The following RAP1GDS1 variants were observed in gnomAD, a reference collection of about 807,000 sequenced individuals.
RAP1GDS1 encodes the protein Rap1 GTPase-GDP dissociation stimulator 1.
A neutral mutation model predicts 71.1 loss-of-function variants in RAP1GDS1; 35 were observed. The observed-to-expected ratio is 0.49, with a 90% CI of 0.38 to 0.65. RAP1GDS1 has a LOEUF of 0.65. Ranked by LOEUF, RAP1GDS1 falls within the 30% of genes least tolerant of loss-of-function variation. The pLI is 0.00. For missense variants in RAP1GDS1, 663 were observed against 706.1 expected, an observed-to-expected ratio of 0.94 and a Z score of 0.69; for synonymous variants, 229 against 243.1, an observed-to-expected ratio of 0.94 and a Z score of 0.54.
chr4:98,442,014 A>T lies in RAP1GDS1; in HGVS notation c.1721A>T (p.Asp574Val). 6.2e-7 allele frequency: 1 copy of T among 1,613,986 alleles called. No individual in the cohort carries two copies. Among genetic ancestry groups the T allele is most frequent in the South Asian group, 1.1e-5 (1 of 91,072 alleles). Residue 574 changes from aspartate (D) to valine (V), a missense_variant, in exon 15 of 15, where the codon GAT becomes GTT. Coordinates refer to ENST00000408927, the MANE Select transcript of RAP1GDS1 (RefSeq NM_001100427.2). ...GSECLHKEVQ[D>V]LAFLDVVSKL... is the part of the protein sequence containing the mutation. The stretch of plus-strand genomic sequence containing the variant: ...GAATGTCTACACAAGGAAGTACAGG[A>T]TTTGGCTTTTCTAGATGTCGTATCC...
At chr4:98,342,410 C>A (rs907470168) in intron 2 of RAP1GDS1, among the ~76,000 whole-genome samples, 2 of 151,990 alleles carry the variant, frequency 1.3e-5, no homozygotes, top group African/African-American at 4.8e-5. Flanking sequence ...TTTCTTTGAG[C>A]TTTTCTTTAT....
rs536769758 is a variant in RAP1GDS1, at chr4:98,442,375, T to C, written c.*258T>C. 32 of 372,748 alleles carry C rather than the reference T, an allele frequency of 8.6e-5. No individual in the cohort carries two copies. Among genetic ancestry groups the C allele is most frequent in the Non-Finnish European group, 1.4e-4 (29 of 205,944 alleles). The allele number at this position is 372,748 out of a possible 1,614,324, so 23.1% of individuals were successfully genotyped here. ...GTTGCTTGAGCTACATTAAGTAGAA[T>C]GTGCATGTTGTAGTCCTATGATGAT... On this transcript the variant is annotated 3_prime_UTR_variant, in exon 15 of 15. Coordinates refer to ENST00000408927, the MANE Select transcript of RAP1GDS1 (RefSeq NM_001100427.2).
chr4:98,345,127 C>G (rs1413900418), intron 3 of RAP1GDS1, among the ~76,000 whole-genome samples: 5 of 152,220 alleles, frequency 3.3e-5, no homozygotes, highest in Admixed American at 6.5e-5. Context: ...GCCACTGATT[C>G]TGGCCTTTGA....
At chr4:98,331,869 T>C (rs1277362992) in intron 2 of RAP1GDS1, among the ~76,000 whole-genome samples, 1 of 152,218 alleles carries the variant, frequency 6.6e-6, no homozygotes, top group Non-Finnish European at 1.5e-5. Context: ...CACAGGTCAC[T>C]GTGAAATCAG....
chr4:98,439,444 T>C (rs947350858), intron 14 of RAP1GDS1, among the ~76,000 whole-genome samples: 1 of 152,228 alleles, frequency 6.6e-6, no homozygotes, highest in African/African-American at 2.4e-5. Context: ...CTTGAATTGA[T>C]AGGTTTATGT....
At chr4:98,320,220 C>T (rs535725897) in intron 2 of RAP1GDS1, among the ~76,000 whole-genome samples, 50 of 152,152 alleles carry the variant, frequency 3.3e-4, no homozygotes, top group African/African-American at 1.1e-3. Context: ...TGCGGGTTTT[C>T]GACTTACTTT....
chr4:98,317,846 CT>C (rs10690106), intron 2 of RAP1GDS1, among the ~76,000 whole-genome samples: 66 of 139,012 alleles, frequency 4.7e-4, no homozygotes, highest in Non-Finnish European at 5.3e-4. Context: ...CTTTTCTTCT[CT>C]TTTTTTTTTT....
At chr4:98,294,059 T>C (rs1333921219) in intron 2 of RAP1GDS1, among the ~76,000 whole-genome samples, 1 of 152,176 alleles carries the variant, frequency 6.6e-6, no homozygotes, top group African/African-American at 2.4e-5. Context: ...ATCTTTGATG[T>C]GATAAATAAT....
At chr4:98,347,615 A>G (rs1289532018) in intron 3 of RAP1GDS1, among the ~76,000 whole-genome samples, 1 of 152,164 alleles carries the variant, frequency 6.6e-6, no homozygotes, top group Non-Finnish European at 1.5e-5. Context: ...GGCATCCACT[A>G]ACGTTGATTT....
chr4:98,419,947 C>T (rs1748574316), intron 10 of RAP1GDS1, 72 bp from the exon 11 acceptor site: 1 of 1,302,210 alleles, frequency 7.7e-7, no homozygotes. Context: ...ACTTAATAAA[C>T]CTGTATTGAA....
At chr4:98,418,852 A>G (rs1027284290) in intron 10 of RAP1GDS1, 61 bp downstream of exon 10, 96 of 1,449,670 alleles carry the variant, frequency 6.6e-5, no homozygotes, top group Non-Finnish European at 7.7e-5. Context: ...TGGGGAAGCT[A>G]TTAACTGTAT....
intron 13 of RAP1GDS1, among the ~76,000 whole-genome samples, chr4:98,436,061 A>C (rs1361762886): frequency 1.4e-5 from 2 of 147,578 alleles, no homozygotes; most frequent in Admixed American, 1.4e-4. Context: ...ACAGAGCCAG[A>C]CGCTGTCTCA....
intron 9 of RAP1GDS1, among the ~76,000 whole-genome samples, chr4:98,417,830 T>C (rs987144169): frequency 1.3e-5 from 2 of 152,162 alleles, no homozygotes; most frequent in Non-Finnish European, 1.5e-5. Context: ...ATTATCTGAG[T>C]ATTCATTCTA....
In RAP1GDS1 at chr4:98,420,022, T is replaced by G; in HGVS notation, c.1178T>G (p.Ile393Arg). The change falls in exon 11 of 15, where the codon ATA (isoleucine) becomes AGA (arginine). Residue 393 changes from isoleucine to arginine, a missense_variant. By Grantham distance (97) the Ile-to-Arg change is moderately conservative (BLOSUM62 -3). Coordinates refer to ENST00000408927, the MANE Select transcript of RAP1GDS1 (RefSeq NM_001100427.2). ...CATAGTCTCTCTTTTTCTCCAGTTA[T>G]AAATAAAGCAAAGATGTTATCAGCT... The part of the protein sequence containing the change: ...SALRNLAIPV[I>R]NKAKMLSAGV... 1 of 1,593,852 alleles carries G rather than the reference T, an allele frequency of 6.3e-7. No individual in the cohort carries two copies.
chr4:98,345,189 A>C (rs1736044923), intron 3 of RAP1GDS1, among the ~76,000 whole-genome samples: 1 of 152,160 alleles, frequency 6.6e-6, no homozygotes, highest in Non-Finnish European at 1.5e-5. Context: ...CTGACACAAC[A>C]TAGTACACTG....
intron 6 of RAP1GDS1, among the ~76,000 whole-genome samples, chr4:98,394,009 T>C (rs1400040031): frequency 6.6e-6 from 1 of 152,174 alleles, no homozygotes. Context: ...TCCTTCACTC[T>C]GTTAAGGCCC....
In RAP1GDS1 at chr4:98,421,681, G is replaced by A. The variant is rs1748883536; in HGVS notation, c.1440+287G>A. ...CCAGGCATTGACCATGCAGCCTACTGATATTTAGAAATTAAATGGTACCTA... is the reference window on the plus strand; with the variant it reads ...CCAGGCATTGACCATGCAGCCTACTAATATTTAGAAATTAAATGGTACCTA... On this transcript the variant is annotated intron_variant, in intron 12 of 14. Transcript: ENST00000408927. Among the ~76,000 whole-genome samples the A allele has an allele frequency of 3.3e-5, 5 of 152,126 alleles. No homozygotes were observed. In the South Asian group the frequency reaches 1.0e-3, roughly 32 times the overall value.
At position 98,418,757 on chromosome 4, in the gene RAP1GDS1, A is replaced by C; in HGVS notation, c.1140A>C (p.Ala380=). 2 of 1,605,698 alleles carry C rather than the reference A, an allele frequency of 1.2e-6. No individual in the cohort carries two copies. Among genetic ancestry groups the C allele is most frequent in the Non-Finnish European group, 1.7e-6 (2 of 1,176,462 alleles). Residue 380 remains alanine, a synonymous_variant, in exon 10 of 15, where the codon GCA becomes GCC. Transcript: ENST00000408927. ...ATGGAAATGTAACAGTACAGCATGC[A>C]GCACTAAGTGCCCTCAGAAACCTGG... ...VEDGNVTVQH[A]ALSALRNLAI... is the part of the protein sequence containing the mutation.
At chr4:98,376,710 A>G (rs946002985) in intron 4 of RAP1GDS1, among the ~76,000 whole-genome samples, 11 of 152,032 alleles carry the variant, frequency 7.2e-5, no homozygotes, top group Admixed American at 7.2e-4. Context: ...GATCACTATT[A>G]TTGTAATACA....
Sources: allele counts gnomAD v4.1 joint callset (sites outside exome capture counted in the v4.1 genomes callset), GRCh38; gene constraint gnomAD v4.1.1; transcripts MANE v1.5; gene names NCBI Gene and HGNC (gene_info 2026-07-23, HGNC 2026-07-21).